IRAK1BP1: variants seen among roughly 807,000 people sequenced by gnomAD.
IRAK1BP1 encodes the protein interleukin-1 receptor-associated kinase 1-binding protein 1.
A neutral mutation model predicts 28.0 loss-of-function variants in IRAK1BP1; 24 were observed. The ratio of observed to expected loss-of-function variants is 0.86; its 90% CI spans 0.62 to 1.20. IRAK1BP1 has a LOEUF of 1.20. Ranked by LOEUF, IRAK1BP1 falls within the 50% of genes most tolerant of loss-of-function variation. The pLI, the probability that IRAK1BP1 is intolerant of heterozygous loss-of-function variation, is 0.00. For missense variants in IRAK1BP1, 336 were observed against 316.7 expected (o/e 1.06, Z -0.46); for synonymous variants, 131 against 116.3 (o/e 1.13, Z -0.81).
chr6:78,978,577 A>G, the IRAK1BP1 span: 1 of 1,560,424 alleles, frequency 6.4e-7, no homozygotes, highest in Non-Finnish European at 8.7e-7. Flanking sequence ...GGATAATTTA[A>G]AACTTTTAAA....
chr6:78,937,979 C>T (rs992253027), intron 4 of IRAK1BP1: 2 of 151,494 alleles, frequency 1.3e-5, no homozygotes, highest in Non-Finnish European at 3.0e-5. Flanking sequence ...TATTGCTTAC[C>T]TAAGACAACT....
At chr6:78,903,314 C>T (rs1772168212), downstream of IRAK1BP1, among the ~76,000 whole-genome samples, 1 of 151,490 alleles carries the variant, frequency 6.6e-6, no homozygotes, top group Non-Finnish European at 1.5e-5. Context: ...AAAACCCCGT[C>T]TCTACTAAAA....
Position 78,941,232 on chromosome 6 carries a change from G to A in IRAK1BP1, c.*68-4176G>A. On this transcript the variant is annotated intron_variant and NMD_transcript_variant, in intron 4 of 4. Transcript: ENST00000606868. ...CTATTGGTATTAACTTCTACTTTAG[G>A]TTTCCTTCCAGGTCCCCTCTTCACA... 6.2e-7 allele frequency: 1 copy of A among 1,613,584 alleles called. No homozygotes were observed. The highest frequency in any genetic ancestry group is 8.5e-7 in the Non-Finnish European group (1 of 1,179,744).
chr6:78,894,089 A>G (rs1771794677), intron 2 of IRAK1BP1, among the ~76,000 whole-genome samples: 1 of 152,222 alleles, frequency 6.6e-6, no homozygotes, highest in African/African-American at 2.4e-5. Flanking sequence ...AATAACTTAA[A>G]TATGTATTCT....
chr6:78,961,506 A>G, the IRAK1BP1 span, among the ~76,000 whole-genome samples: 1 of 152,242 alleles, frequency 6.6e-6, no homozygotes, highest in East Asian at 1.9e-4. Flanking sequence ...GGGACTTGTT[A>G]GAAATGCAGA....
chr6:78,943,787 G>T (rs928085067), intron 4 of IRAK1BP1, among the ~76,000 whole-genome samples: 6 of 151,938 alleles, frequency 3.9e-5, no homozygotes, highest in Non-Finnish European at 8.8e-5. Flanking sequence ...AGAAGTTTGA[G>T]ACCAGCCTGG....
the IRAK1BP1 span, among the ~76,000 whole-genome samples, chr6:78,979,023 A>G: frequency 3.9e-5 from 6 of 152,256 alleles, no homozygotes; most frequent in African/African-American, 7.2e-5. Flanking sequence ...TATTATAAAT[A>G]ATCTAGAAAT....
the IRAK1BP1 span, chr6:78,978,846 G>A: frequency 1.7e-6 from 1 of 586,608 alleles, no homozygotes; most frequent in Non-Finnish European, 2.6e-6. Flanking sequence ...TATACAGTTG[G>A]CCCTGTGTAT....
intron 1 of IRAK1BP1, 138 bp downstream of exon 1, chr6:78,868,029 A>G: frequency 1.2e-6 from 1 of 867,834 alleles, no homozygotes; most frequent in Non-Finnish European, 1.7e-6. Flanking sequence ...TTGCAAAGGT[A>G]CTCCGGGACG....
At chr6:78,970,320 T>C in the IRAK1BP1 span, 4 of 636,668 alleles carry the variant, frequency 6.3e-6, no homozygotes, top group Non-Finnish European at 1.1e-5. Flanking sequence ...CTGAGCTCTG[T>C]ATTAAGATTT....
intron 4 of IRAK1BP1, among the ~76,000 whole-genome samples, chr6:78,922,947 C>T (rs1236282122): frequency 5.3e-5 from 8 of 152,250 alleles, no homozygotes; most frequent in South Asian, 2.1e-4. Flanking sequence ...AAGGAACAAT[C>T]GGTACCAGCC....
At chr6:78,960,928 TAATA>T in the IRAK1BP1 span, among the ~76,000 whole-genome samples, 3 of 152,246 alleles carry the variant, frequency 2.0e-5, no homozygotes, top group Non-Finnish European at 2.9e-5. Flanking sequence ...AGGACTTCAG[TAATA>T]AATAACTGGT....
chr6:78,893,153 C>A (rs1005795559), intron 2 of IRAK1BP1, among the ~76,000 whole-genome samples: 1 of 150,354 alleles, frequency 6.7e-6, no homozygotes, highest in Non-Finnish European at 1.5e-5. Context: ...CTTAAAACAG[C>A]CAGAGGAGGA....
chr6:78,920,978 G>A (rs910324490), intron 4 of IRAK1BP1, among the ~76,000 whole-genome samples: 1 of 152,178 alleles, frequency 6.6e-6, no homozygotes, highest in Non-Finnish European at 1.5e-5. Flanking sequence ...AACAGCTCCG[G>A]TCTACAGCTC....
intron 4 of IRAK1BP1, among the ~76,000 whole-genome samples, chr6:78,929,883 A>G (rs375071557): frequency 2.0e-5 from 3 of 152,188 alleles, no homozygotes; most frequent in East Asian, 3.8e-4. Context: ...TGGAGTAGCT[A>G]AAAACATAAA....
At chr6:78,979,032 A>G in the IRAK1BP1 span, among the ~76,000 whole-genome samples, 5 of 152,130 alleles carry the variant, frequency 3.3e-5, no homozygotes, top group African/African-American at 1.2e-4. Flanking sequence ...TAATCTAGAA[A>G]TGACTTAAAG....
intron 4 of IRAK1BP1, among the ~76,000 whole-genome samples, chr6:78,927,720 A>AGAT (rs1554192189): frequency 6.6e-6 from 1 of 152,078 alleles, no homozygotes; most frequent in African/African-American, 2.4e-5. Flanking sequence ...ATACAGTGAG[A>AGAT]GATAGGGGTC....
chr6:78,868,290 T>C (rs1353451674), intron 1 of IRAK1BP1, among the ~76,000 whole-genome samples: 1 of 152,226 alleles, frequency 6.6e-6, no homozygotes, highest in African/African-American at 2.4e-5. Flanking sequence ...TTCCGCACCA[T>C]GGAATTGGCA....
At chr6:78,944,311 T>C (rs1052137135) in intron 4 of IRAK1BP1, among the ~76,000 whole-genome samples, 3 of 152,236 alleles carry the variant, frequency 2.0e-5, no homozygotes, top group Admixed American at 2.0e-4. Flanking sequence ...GGCAAGGAAG[T>C]GTTTTCTCTG....
Sources: gnomAD v4.1 joint callset for allele counts (sites outside exome capture counted in the v4.1 genomes callset) on GRCh38, gnomAD v4.1.1 for gene constraint, MANE v1.5 for transcripts, NCBI Gene and HGNC (gene_info 2026-07-23, HGNC 2026-07-21) for gene names.